KANK4: variants seen among roughly 807,000 people sequenced by gnomAD.
KANK4 encodes KN motif and ankyrin repeat domain-containing protein 4.
In KANK4, 50 loss-of-function variants were observed where a neutral mutation model predicts 80.8. The observed-to-expected ratio is 0.62, with a 90% CI of 0.49 to 0.78. The LOEUF (loss-of-function observed/expected upper bound fraction) is 0.78, where lower values mean the gene tolerates loss of function less well. KANK4 is among the 30% of genes least tolerant of loss of function. The probability of loss-of-function intolerance (pLI) is 0.00; values close to 1 mark genes in which losing one functional copy is unlikely to be tolerated. For synonymous variants in KANK4, 465 were observed against 506.9 expected (o/e 0.92, Z 1.11); for missense variants, 1,196 against 1,240.1 (o/e 0.96, Z 0.53).
chr1:62,265,938 A>G (rs540148756), intron 6 of KANK4, among the ~76,000 whole-genome samples: 2 of 152,368 alleles, frequency 1.3e-5, no homozygotes, highest in South Asian at 4.1e-4. Flanking sequence ...GAAACATGCC[A>G]TCCACCACCT....
intron 7 of KANK4, among the ~76,000 whole-genome samples, 200 bp from the exon 8 acceptor site, chr1:62,253,409 CTTT>C (rs34488630): frequency 1.8e-5 from 2 of 110,980 alleles, no homozygotes; most frequent in Non-Finnish European, 3.5e-5. Flanking sequence ...TTCTTTCTTT[CTTT>C]TTTTTTTTTT....
intron 1 of KANK4, among the ~76,000 whole-genome samples, chr1:62,283,546 G>A (rs1260055561): frequency 6.6e-6 from 1 of 152,178 alleles, no homozygotes; most frequent in Non-Finnish European, 1.5e-5. Context: ...CACTATGACT[G>A]ATCTTTAATT....
intron 3 of KANK4, chr1:62,272,829 C>A: frequency 6.5e-6 from 1 of 153,992 alleles, no homozygotes; most frequent in Non-Finnish European, 1.3e-5. Context: ...CTTGCTCTGT[C>A]ACCCAGGCTG....
intron 4 of KANK4, among the ~76,000 whole-genome samples, chr1:62,269,663 G>A (rs137994871): frequency 2.9e-4 from 44 of 152,218 alleles, no homozygotes; most frequent in African/African-American, 8.9e-4. Flanking sequence ...TATGCCAGGC[G>A]CAGTTCTAAA....
At chr1:62,291,028 G>A (rs1672668380) in intron 1 of KANK4, among the ~76,000 whole-genome samples, 1 of 152,056 alleles carries the variant, frequency 6.6e-6, no homozygotes, top group South Asian at 2.1e-4. Context: ...GGGATTACAG[G>A]CATGAGCCAC....
intron 8 of KANK4, among the ~76,000 whole-genome samples, chr1:62,251,991 C>CA (rs11454026): frequency 0.66 from 82,291 of 125,618 alleles, 25,797 homozygotes; most frequent in East Asian, 0.83. Flanking sequence ...GACTCCGTTT[C>CA]AAAAAAAAAA....
rs541768192 is a variant in KANK4 at position 62,282,740 on chromosome 1, G to A, written c.-70-1106C>T. ...GCTTCTGCCTCATCTCCTCCAGCCC[G>A]TTTGCCAAGCAGCTGCCAGACAGGC... On this transcript the variant is annotated intron_variant, in intron 1 of 9. Transcript: ENST00000371153. 3.0e-4 allele frequency among the ~76,000 whole-genome samples: 46 copies of A among 152,306 alleles called. 1 individual carries two copies. The highest frequency in any genetic ancestry group is 4.1e-4 in the South Asian group (2 of 4,830).
intron 3 of KANK4, chr1:62,271,825 AC>A (rs1422924659): frequency 4.5e-6 from 2 of 443,408 alleles, no homozygotes; most frequent in African/African-American, 4.0e-5. Flanking sequence ...TGGATGAAGA[AC>A]CATGTGGCGT....
intron 2 of KANK4, 100 bp from the exon 3 acceptor site, chr1:62,275,187 A>G: frequency 1.2e-6 from 1 of 863,238 alleles, no homozygotes; most frequent in East Asian, 2.5e-5. Context: ...TAACGCTGTC[A>G]CTTGAGACTT....
At chr1:62,283,994 G>T (rs1487801711) in intron 1 of KANK4, among the ~76,000 whole-genome samples, 1 of 152,052 alleles carries the variant, frequency 6.6e-6, no homozygotes, top group Admixed American at 6.6e-5. Flanking sequence ...AAATTAAGTG[G>T]AGCTGACACC....
At chr1:62,241,714 T>C (rs1461353358) in intron 9 of KANK4, among the ~76,000 whole-genome samples, 2 of 152,194 alleles carry the variant, frequency 1.3e-5, no homozygotes, top group African/African-American at 4.8e-5. Flanking sequence ...AACAAAGATT[T>C]TAAGCAGGGA....
intron 1 of KANK4, among the ~76,000 whole-genome samples, chr1:62,289,210 G>A (rs549727469): frequency 6.6e-5 from 10 of 152,292 alleles, no homozygotes; most frequent in South Asian, 6.2e-4. Context: ...TTAAGAACCC[G>A]TGAGTGCATT....
intron 1 of KANK4, among the ~76,000 whole-genome samples, chr1:62,296,942 C>A (rs1469222519): frequency 1.3e-5 from 2 of 152,112 alleles, no homozygotes; most frequent in African/African-American, 4.8e-5. Flanking sequence ...CTAGGCCAGG[C>A]TCAGTGGCTC....
Position 62,273,558 on chromosome 1 carries a change from T to C in KANK4, c.1546A>G (p.Thr516Ala). Residue 516 changes from threonine to alanine, a missense_variant, in exon 3 of 10, where the codon ACC becomes GCC. This residue lies in a region of KANK4 where 1,154 missense variants were observed against 1,179.6 expected (regional missense o/e 0.98). Coordinates refer to ENST00000371153, the MANE Select transcript of KANK4 (RefSeq NM_181712.5). ...TEQEGGPQGGTRGAGGFLWGS... is the reference protein window; with the variant it reads ...TEQEGGPQGGARGAGGFLWGS... The stretch of plus-strand genomic sequence containing the variant: ...CACAGAAAGCCTCCTGCTCCCCTGG[T>C]TCCTCCCTGAGGGCCTCCTTCCTGT... 3 of 1,613,804 alleles carry C rather than the reference T, an allele frequency of 1.9e-6. No individual in the cohort carries two copies. Among genetic ancestry groups the C allele is most frequent in the Non-Finnish European group, 2.5e-6 (3 of 1,179,732 alleles).
chr1:62,267,132 T>C (rs1454189533), intron 5 of KANK4, among the ~76,000 whole-genome samples: 1 of 152,166 alleles, frequency 6.6e-6, no homozygotes, highest in African/African-American at 2.4e-5. Flanking sequence ...CCCACCTGCA[T>C]TTCCTGGCAT....
At chr1:62,284,241 C>T (rs1672513685) in intron 1 of KANK4, among the ~76,000 whole-genome samples, 1 of 152,134 alleles carries the variant, frequency 6.6e-6, no homozygotes, top group South Asian at 2.1e-4. Context: ...AAAATAACTG[C>T]CACATCAACA....
rs149335668 is a variant in KANK4, at chr1:62,262,142, T to C, written c.2539+950A>G. On this transcript the variant is annotated intron_variant, in intron 7 of 9. Coordinates refer to ENST00000371153, the MANE Select transcript of KANK4 (RefSeq NM_181712.5). The stretch of plus-strand genomic sequence containing the variant: ...GAGCCATGACCTTTGTTAAAAAGTA[T>C]CTTCTGAAGATGGGAAAATGCCATT... 1.6e-3 allele frequency among the ~76,000 whole-genome samples: 249 copies of C among 152,316 alleles called. 1 individual carries two copies. Among genetic ancestry groups the C allele is most frequent in the African/African-American group, 5.5e-3 (228 of 41,550 alleles).
intron 7 of KANK4, among the ~76,000 whole-genome samples, chr1:62,260,376 C>T (rs1671855989): frequency 6.6e-6 from 1 of 152,110 alleles, no homozygotes; most frequent in Non-Finnish European, 1.5e-5. Context: ...CATTCTCTCC[C>T]TCTCCATCTC....
intron 7 of KANK4, among the ~76,000 whole-genome samples, chr1:62,261,121 C>G (rs1376348862): frequency 1.3e-5 from 2 of 151,544 alleles, no homozygotes; most frequent in Non-Finnish European, 2.9e-5. Context: ...CTCCAACTCA[C>G]CTCACCAGTC....
Sources: allele counts gnomAD v4.1 joint callset (sites outside exome capture counted in the v4.1 genomes callset), GRCh38; gene constraint gnomAD v4.1.1; regional missense constraint gnomAD v4.1.1; transcripts MANE v1.5; gene names NCBI Gene and HGNC (gene_info 2026-07-23, HGNC 2026-07-21).